The following KSR2 variants were observed in gnomAD, a reference collection of about 807,000 sequenced individuals.
KSR2 encodes the protein kinase suppressor of ras 2.
Under a neutral mutation model 107.8 loss-of-function variants are expected in KSR2, and 25 were observed. That is an observed-to-expected ratio of 0.23 (90% CI 0.17 to 0.32). KSR2 has a LOEUF of 0.32. Ranked by LOEUF, KSR2 falls within the 10% of genes least tolerant of loss-of-function variation. KSR2 has a pLI of 1.00. For synonymous variants in KSR2, 480 were observed against 507.0 expected (o/e 0.95, Z 0.71); for missense variants, 887 against 1,268.9 (o/e 0.70, Z 4.57).
chr12:117,930,697 C>T (rs147480730), intron 1 of KSR2, among the ~76,000 whole-genome samples: 206 of 152,262 alleles, frequency 1.4e-3, no homozygotes, highest in Middle Eastern at 6.8e-3. Context: ...AGGTGGGTCA[C>T]CTGAGGTCAG....
At chr12:117,958,997 G>A (rs1457226022) in intron 1 of KSR2, among the ~76,000 whole-genome samples, 4 of 152,124 alleles carry the variant, frequency 2.6e-5, no homozygotes, top group Non-Finnish European at 5.9e-5. Context: ...TAATCCGAAT[G>A]TTCTCAGTAT....
At position 117,907,142 on chromosome 12, in the gene KSR2, A is replaced by G. The variant is rs1894878818; in HGVS notation, c.181-46711T>C. ...ATTCTATTATCCCCCCTTTGGATAGATGGGGAAGCTGAAGCTCACGGAGAT... is the reference window on the plus strand; with the variant it reads ...ATTCTATTATCCCCCCTTTGGATAGGTGGGGAAGCTGAAGCTCACGGAGAT... On this transcript the variant is annotated intron_variant, in intron 1 of 19. Transcript: ENST00000339824. This position sits in a 1 kb window ranked among gnomAD's most constrained non-coding sequence, Gnocchi z 4.3. 6.6e-6 allele frequency among the ~76,000 whole-genome samples: 1 copy of G among 152,160 alleles called. No homozygotes were observed. Among genetic ancestry groups the G allele is most frequent in the Non-Finnish European group, 1.5e-5 (1 of 68,022 alleles).
chr12:117,579,609 G>C lies in KSR2; in HGVS notation c.1242-407C>G, dbSNP rs762870572. 2.0e-5 allele frequency among the ~76,000 whole-genome samples: 3 copies of C among 152,136 alleles called. No individual in the cohort carries two copies. In the East Asian group the frequency reaches 5.8e-4, roughly 29 times the overall value. ...AGTTCTGGGACAGAGCAATGGATAG[G>C]GCTGGAACTGCCTGTAGAAAGCTAC... On this transcript the variant is annotated intron_variant, in intron 6 of 19. Coordinates refer to ENST00000339824, the MANE Select transcript of KSR2 (RefSeq NM_173598.6).
intron 3 of KSR2, among the ~76,000 whole-genome samples, chr12:117,777,196 T>G (rs1889728031): frequency 6.8e-6 from 1 of 147,504 alleles, no homozygotes; most frequent in Non-Finnish European, 1.5e-5. Context: ...TATATATAGT[T>G]GATTCATTAA....
intron 12 of KSR2, among the ~76,000 whole-genome samples, chr12:117,529,951 G>A (rs1875498475): frequency 6.6e-6 from 1 of 152,168 alleles, no homozygotes; most frequent in African/African-American, 2.4e-5. Context: ...AGCCCAGGAG[G>A]CTGAGGCTGC....
chr12:117,513,586 C>CA (rs1355237608), intron 14 of KSR2, among the ~76,000 whole-genome samples: 1 of 152,170 alleles, frequency 6.6e-6, no homozygotes, highest in Non-Finnish European at 1.5e-5. Flanking sequence ...ACAAGCCAGG[C>CA]AGGTTTGGTG....
At chr12:117,544,546 G>A (rs1333932725) in intron 9 of KSR2, among the ~76,000 whole-genome samples, 1 of 151,832 alleles carries the variant, frequency 6.6e-6, no homozygotes, top group Non-Finnish European at 1.5e-5. Context: ...TTGAACCTGG[G>A]AGGCAGAAGT....
At chr12:117,652,136 C>G (rs1883929396) in intron 5 of KSR2, among the ~76,000 whole-genome samples, 1 of 152,034 alleles carries the variant, frequency 6.6e-6, no homozygotes, top group African/African-American at 2.4e-5. Flanking sequence ...AAGAATGATA[C>G]AGTGGACTTT....
intron 12 of KSR2, 122 bp downstream of exon 12, chr12:117,530,819 C>T (rs1875568118): frequency 1.1e-5 from 9 of 832,548 alleles, no homozygotes; most frequent in Non-Finnish European, 1.6e-5. Flanking sequence ...TTGTACATCT[C>T]CCTCTGCCCC....
At chr12:117,561,582 C>G (rs1282603181) in intron 7 of KSR2, among the ~76,000 whole-genome samples, 1 of 152,128 alleles carries the variant, frequency 6.6e-6, no homozygotes, top group African/African-American at 2.4e-5. Flanking sequence ...TCCTAACTTG[C>G]ACTCTTTTTG....
intron 13 of KSR2, among the ~76,000 whole-genome samples, chr12:117,526,772 C>T (rs1875197999): frequency 6.6e-6 from 1 of 152,190 alleles, no homozygotes; most frequent in African/African-American, 2.4e-5. Context: ...GGCAGCGGGG[C>T]ACATCCCCCT....
chr12:117,935,433 A>T (rs1264225686), intron 1 of KSR2, among the ~76,000 whole-genome samples: 1 of 152,116 alleles, frequency 6.6e-6, no homozygotes, highest in East Asian at 1.9e-4. Context: ...CAATGTGTTC[A>T]TTTCATGGGG....
chr12:117,579,282 A>G, intron 6 of KSR2, 80 bp from the exon 7 acceptor site: 1 of 974,830 alleles, frequency 1.0e-6, no homozygotes, highest in Non-Finnish European at 1.6e-6. Context: ...GTACTTGAAG[A>G]GCAAGCACAT....
chr12:117,756,371 C>T (rs1467136024), intron 4 of KSR2, among the ~76,000 whole-genome samples: 1 of 152,126 alleles, frequency 6.6e-6, no homozygotes, highest in Non-Finnish European at 1.5e-5. Flanking sequence ...TTTATCATGC[C>T]AAAAATTCTA....
chr12:117,569,665 G>A (rs1302707579), intron 7 of KSR2, among the ~76,000 whole-genome samples: 4 of 152,116 alleles, frequency 2.6e-5, no homozygotes, highest in Non-Finnish European at 4.4e-5. Flanking sequence ...CTGACCGAAG[G>A]GTTTCTAGGC....
At chr12:117,949,641 C>A (rs1896301685) in intron 1 of KSR2, among the ~76,000 whole-genome samples, 1 of 151,944 alleles carries the variant, frequency 6.6e-6, no homozygotes, top group Admixed American at 6.6e-5. Flanking sequence ...CCAAAAAAGT[C>A]AAAAATAAAA....
At chr12:117,860,461 A>T (rs377586531) in intron 1 of KSR2, 30 bp from the exon 2 acceptor site, 1 of 1,575,700 alleles carries the variant, frequency 6.3e-7, no homozygotes, top group Non-Finnish European at 8.6e-7. Context: ...GACAGAGGAC[A>T]CATCTCAGAG....
At chr12:117,877,235 A>G (rs751811903) in intron 1 of KSR2, among the ~76,000 whole-genome samples, 4 of 152,034 alleles carry the variant, frequency 2.6e-5, no homozygotes, top group Non-Finnish European at 4.4e-5. Flanking sequence ...TACTTGGGAG[A>G]TTGAGGCAGG....
At chr12:117,893,825 A>T (rs981757195) in intron 1 of KSR2, among the ~76,000 whole-genome samples, 8 of 152,204 alleles carry the variant, frequency 5.3e-5, no homozygotes, top group African/African-American at 1.9e-4. Context: ...CCAAAAACTC[A>T]GTAACCAAGA....
Sources: allele counts gnomAD v4.1 joint callset (sites outside exome capture counted in the v4.1 genomes callset), GRCh38; gene constraint gnomAD v4.1.1; non-coding constraint Gnocchi (gnomAD v3.1); transcripts MANE v1.5; gene names NCBI Gene and HGNC (gene_info 2026-07-23, HGNC 2026-07-21).